The following STARD13 variants were observed in gnomAD, a reference collection of about 807,000 sequenced individuals.
The protein encoded by STARD13 is stAR-related lipid transfer protein 13.
Under a neutral mutation model 106.4 loss-of-function variants are expected in STARD13, and 62 were observed. The observed-to-expected ratio is 0.58, with a 90% CI of 0.48 to 0.72. The LOEUF is 0.72. STARD13 is among the 30% of genes least tolerant of loss of function. The probability of loss-of-function intolerance (pLI) is 0.00; values close to 1 mark genes in which losing one functional copy is unlikely to be tolerated. For missense variants in STARD13, 1,387 were observed against 1,424.0 expected, an observed-to-expected ratio of 0.97 and a Z score of 0.42; for synonymous variants, 565 against 553.0, an observed-to-expected ratio of 1.02 and a Z score of -0.31.
chr13:33,656,493 T>C, the STARD13 span, among the ~76,000 whole-genome samples: 5 of 150,796 alleles, frequency 3.3e-5, no homozygotes, highest in African/African-American at 1.2e-4. Flanking sequence ...AAAAATTAGG[T>C]TATGAGTTTC....
At chr13:33,444,379 G>A in the STARD13 span, among the ~76,000 whole-genome samples, 2 of 152,280 alleles carry the variant, frequency 1.3e-5, no homozygotes, top group African/African-American at 2.4e-5. Context: ...CTGTAGTTTT[G>A]CCATTTATCA....
chr13:33,193,595 G>C (rs559190567), intron 1 of STARD13, among the ~76,000 whole-genome samples: 1 of 152,254 alleles, frequency 6.6e-6, no homozygotes, highest in East Asian at 1.9e-4. Flanking sequence ...GTCGGAAAGC[G>C]TGAACACAAC....
At chr13:33,524,076 T>C in the STARD13 span, among the ~76,000 whole-genome samples, 1 of 152,152 alleles carries the variant, frequency 6.6e-6, no homozygotes, top group Non-Finnish European at 1.5e-5. Flanking sequence ...TTTTCTCATG[T>C]TGTAATGAAA....
At chr13:33,399,001 C>T in the STARD13 span, among the ~76,000 whole-genome samples, 1 of 152,160 alleles carries the variant, frequency 6.6e-6, no homozygotes, top group Non-Finnish European at 1.5e-5. Flanking sequence ...AAAAGTCTGT[C>T]AACAGGTGAG....
intron 1 of STARD13, among the ~76,000 whole-genome samples, chr13:33,349,783 C>G (rs956562883): frequency 1.3e-5 from 2 of 152,236 alleles, no homozygotes; most frequent in Admixed American, 6.5e-5. Flanking sequence ...TCACATCCCC[C>G]CCTCTACCCC....
At chr13:33,342,918 C>T (rs960404280) in intron 1 of STARD13, among the ~76,000 whole-genome samples, 1 of 152,212 alleles carries the variant, frequency 6.6e-6, no homozygotes, top group Admixed American at 6.5e-5. Flanking sequence ...CAAAGAGCCC[C>T]CCAGGACTTG....
At chr13:33,622,591 G>A in the STARD13 span, among the ~76,000 whole-genome samples, 2 of 129,340 alleles carry the variant, frequency 1.5e-5, no homozygotes, top group South Asian at 5.2e-4. Flanking sequence ...CTCCAGTCTC[G>A]GCGACAGAGC....
At chr13:33,580,211 G>C in the STARD13 span, among the ~76,000 whole-genome samples, 3 of 152,016 alleles carry the variant, frequency 2.0e-5, no homozygotes, top group Non-Finnish European at 2.9e-5. Context: ...TCACACAATG[G>C]AATATTATTC....
intron 3 of STARD13, among the ~76,000 whole-genome samples, chr13:33,151,161 G>A (rs997550889): frequency 6.6e-6 from 1 of 152,144 alleles, no homozygotes; most frequent in Non-Finnish European, 1.5e-5. Context: ...CAAAATAGCA[G>A]GGTATAATCC....
chr13:33,168,914 A>T (rs892940482), intron 1 of STARD13, among the ~76,000 whole-genome samples: 2 of 152,236 alleles, frequency 1.3e-5, no homozygotes, highest in Admixed American at 6.5e-5. Flanking sequence ...ATCTGGTTAA[A>T]TCTAGATTGA....
intron 1 of STARD13, among the ~76,000 whole-genome samples, chr13:33,195,287 CCT>C (rs1432618203): frequency 6.6e-6 from 1 of 152,152 alleles, no homozygotes; most frequent in African/African-American, 2.4e-5. Flanking sequence ...TCAGTAATCC[CCT>C]GTTACTGACA....
chr13:33,664,787 C>T, the STARD13 span, among the ~76,000 whole-genome samples: 2 of 152,106 alleles, frequency 1.3e-5, no homozygotes, highest in Admixed American at 6.5e-5. Context: ...CCACCACGCC[C>T]GGCTAATTTT....
chr13:33,602,445 G>T, the STARD13 span, among the ~76,000 whole-genome samples: 1 of 152,250 alleles, frequency 6.6e-6, no homozygotes, highest in Non-Finnish European at 1.5e-5. Flanking sequence ...GACTGAAAAA[G>T]GTTCAAAAGC....
At chr13:33,331,592 C>T (rs977842985) in intron 1 of STARD13, among the ~76,000 whole-genome samples, 4 of 149,404 alleles carry the variant, frequency 2.7e-5, no homozygotes, top group Non-Finnish European at 5.9e-5. Context: ...TCTCGAACTC[C>T]TGACCTTAGG....
chr13:33,227,300 T>C (rs1307018704), intron 1 of STARD13, among the ~76,000 whole-genome samples: 1 of 152,258 alleles, frequency 6.6e-6, no homozygotes, highest in African/African-American at 2.4e-5. Flanking sequence ...AATGTCCTCA[T>C]AGATAGCTAA....
the STARD13 span, among the ~76,000 whole-genome samples, chr13:33,415,628 C>G: frequency 3.9e-5 from 6 of 152,074 alleles, no homozygotes; most frequent in Non-Finnish European, 7.4e-5. Flanking sequence ...TTATGTCTGT[C>G]TTTTGCTGCA....
chr13:33,519,525 C>A, the STARD13 span, among the ~76,000 whole-genome samples: 1 of 151,838 alleles, frequency 6.6e-6, no homozygotes, highest in African/African-American at 2.4e-5. Context: ...CCACCCTCCT[C>A]CTTGGCTATA....
chr13:33,230,507 C>T (rs1888861473), intron 1 of STARD13, among the ~76,000 whole-genome samples: 1 of 152,212 alleles, frequency 6.6e-6, no homozygotes, highest in Admixed American at 6.5e-5. Flanking sequence ...TTCATGAATG[C>T]TGGGATACTG....
chr13:33,380,312 G>A, the STARD13 span, among the ~76,000 whole-genome samples: 2 of 151,944 alleles, frequency 1.3e-5, no homozygotes, highest in African/African-American at 2.4e-5. Flanking sequence ...CTACTTGGGA[G>A]GCTGAGGCAG....
Sources: allele counts gnomAD v4.1 joint callset (sites outside exome capture counted in the v4.1 genomes callset), GRCh38; gene constraint gnomAD v4.1.1; transcripts MANE v1.5; gene names NCBI Gene and HGNC (gene_info 2026-07-23, HGNC 2026-07-21).